KCNAB2: variants seen among roughly 807,000 people sequenced by gnomAD.
The protein encoded by KCNAB2 is potassium voltage-gated channel subfamily A regulatory beta subunit 2.
In KCNAB2, 29 loss-of-function variants were observed where a neutral mutation model predicts 63.6. The observed-to-expected ratio is 0.46, with a 90% confidence interval of 0.34 to 0.62. KCNAB2 has a LOEUF of 0.62. Ranked by LOEUF, KCNAB2 falls within the 20% of genes least tolerant of loss-of-function variation. The pLI is 0.01. For missense variants in KCNAB2, 359 were observed against 563.9 expected (o/e 0.64, Z 3.68); for synonymous variants, 222 against 224.2 (o/e 0.99, Z 0.09).
intron 1 of KCNAB2, among the ~76,000 whole-genome samples, chr1:6,009,724 T>C (rs1370296860): frequency 1.3e-5 from 2 of 152,206 alleles, no homozygotes; most frequent in African/African-American, 4.8e-5. Flanking sequence ...TGGGGCCCTG[T>C]GAGGCCCTGC....
In KCNAB2 at chr1:6,071,866, C is replaced by T. The variant is rs976364788; in HGVS notation, c.219-889C>T. Among the ~76,000 whole-genome samples, 1 of 150,694 alleles carries T rather than the reference C, an allele frequency of 6.6e-6. No individual in the cohort carries two copies. The highest frequency in any genetic ancestry group is 1.5e-5 in the Non-Finnish European group (1 of 67,508). On this transcript the variant is annotated intron_variant, in intron 2 of 15. Coordinates refer to ENST00000378083, the MANE Select transcript of KCNAB2 (RefSeq NM_001199862.2). This position sits in a 1 kb window ranked among gnomAD's most constrained non-coding sequence, Gnocchi z 8.5. ...CCTGCCGCGAGGGCACCTCCTGCCG[C>T]GTGGGCTCCTCCTGCCGCGTAGGGC...
Position 6,051,607 on chromosome 1 carries a change from A to T in KCNAB2, c.71A>T (p.His24Leu), listed in dbSNP as rs1570962176. 6.5e-7 allele frequency: 1 copy of T among 1,534,648 alleles called. No homozygotes were observed. The highest frequency in any genetic ancestry group is 1.4e-5 in the African/African-American group (1 of 73,010). The change falls in exon 2 of 16, where the codon CAC (histidine) becomes CTC (leucine). Residue 24 changes from histidine to leucine, a missense_variant. Transcript: ENST00000378083. ...SSRCHSEWALHPVRQTDTLEL... is the reference protein window; with the variant it reads ...SSRCHSEWALLPVRQTDTLEL... ...AGGTGCCACTCTGAATGGGCCCTGC[A>T]CCCCGTCCGCCAGACGGACACGCTG...
chr1:6,012,873 G>C (rs986968632), intron 1 of KCNAB2, among the ~76,000 whole-genome samples: 1 of 152,016 alleles, frequency 6.6e-6, no homozygotes, highest in Non-Finnish European at 1.5e-5. Context: ...ACCCATGCAC[G>C]CATGCCCATG....
intron 5 of KCNAB2, among the ~76,000 whole-genome samples, chr1:6,083,139 C>T (rs1007160869): frequency 3.3e-5 from 5 of 152,164 alleles, no homozygotes; most frequent in Admixed American, 6.5e-5. Flanking sequence ...TTTGGCCCTC[C>T]GGATGGCACA....
intron 1 of KCNAB2, among the ~76,000 whole-genome samples, chr1:6,017,114 A>G (rs1002458827): frequency 1.3e-5 from 2 of 152,090 alleles, no homozygotes; most frequent in Non-Finnish European, 2.9e-5. Context: ...GACAGAGGAA[A>G]AGTCCTAGAC....
rs147919280 is a variant in KCNAB2 at position 6,068,257 on chromosome 1, G to A, written c.219-4498G>A. Reference sequence around the variant, plus strand: ...CTCTCAGAGGGTGAATGCTCACCACGCCCATGTGTGTGCTTATGTGTGCAT... The same window carrying A: ...CTCTCAGAGGGTGAATGCTCACCACACCCATGTGTGTGCTTATGTGTGCAT... On this transcript the variant is annotated intron_variant, in intron 2 of 15. Coordinates refer to ENST00000378083, the MANE Select transcript of KCNAB2 (RefSeq NM_001199862.2). Among the ~76,000 whole-genome samples, 11 of 152,336 alleles carry A rather than the reference G, an allele frequency of 7.2e-5. No homozygotes were observed. In the East Asian group the frequency reaches 1.4e-3, roughly 19 times the overall value.
At chr1:6,088,571 TG>T (rs1188226936) in intron 7 of KCNAB2, among the ~76,000 whole-genome samples, 1 of 151,792 alleles carries the variant, frequency 6.6e-6, no homozygotes, top group African/African-American at 2.4e-5. Flanking sequence ...TTTTAAGATA[TG>T]GGGTCTCACT....
chr1:6,084,571 T>A (rs1040125132), intron 5 of KCNAB2, among the ~76,000 whole-genome samples: 1 of 152,182 alleles, frequency 6.6e-6, no homozygotes, highest in Non-Finnish European at 1.5e-5. Flanking sequence ...ATCCCAGCAC[T>A]TTGGGAGGCC....
In KCNAB2 at chr1:6,097,318, C is replaced by A; in HGVS notation, c.1119C>A (p.Ser373=). Residue 373 remains serine, a synonymous_variant, in exon 15 of 16, where the codon TCC becomes TCA. Coordinates refer to ENST00000378083, the MANE Select transcript of KCNAB2 (RefSeq NM_001199862.2). The part of the protein sequence containing the change: ...EGVSSVLLGA[S]NADQLMENIG... ...TCAGCTCCGTGCTCCTGGGGGCCTC[C>A]AATGCGGACCAGCTCATGGAGAACA... 6.4e-7 allele frequency: 1 copy of A among 1,552,786 alleles called. No homozygotes were observed. The highest frequency in any genetic ancestry group is 2.4e-5 in the East Asian group (1 of 41,440).
chr1:6,057,868 T>C (rs541703340), intron 2 of KCNAB2, among the ~76,000 whole-genome samples: 1 of 152,200 alleles, frequency 6.6e-6, no homozygotes, highest in East Asian at 1.9e-4. Context: ...ACACCAGTCA[T>C]GGCCAGGCAC....
rs2100746209 is a variant in KCNAB2 at position 6,087,410 on chromosome 1, G to A, written c.426-57G>A. ...GAGAGATGAGGACGTCGGGGATGAA[G>A]GAGGACCCCCCAGGGGCCGGGCTTA... On this transcript the variant is annotated intron_variant, in intron 6 of 15. Transcript: ENST00000378083. This position sits in a 1 kb window ranked among gnomAD's most constrained non-coding sequence, Gnocchi z 6.4. 6.3e-7 allele frequency: 1 copy of A among 1,583,042 alleles called. No homozygotes were observed. Among genetic ancestry groups the A allele is most frequent in the Non-Finnish European group, 8.7e-7 (1 of 1,151,954 alleles).
intron 2 of KCNAB2, among the ~76,000 whole-genome samples, chr1:6,070,554 G>A (rs2100645238): frequency 1.3e-5 from 2 of 152,304 alleles, no homozygotes; most frequent in Middle Eastern, 6.8e-3. Context: ...GGAAACTTCA[G>A]TTCCTTTTTA....
chr1:6,073,817 C>T lies in KCNAB2; in HGVS notation c.300+47C>T. 1 of 1,593,220 alleles carries T rather than the reference C, an allele frequency of 6.3e-7. No homozygotes were observed. Among genetic ancestry groups the T allele is most frequent in the Non-Finnish European group, 8.6e-7 (1 of 1,161,356 alleles). ...ACCCCAGAACCCAGCACGGGCTCGC[C>T]AGAGCACATGGTTAAGTCTGCCGCG... On this transcript the variant is annotated intron_variant, in intron 4 of 15. Transcript: ENST00000378083. The surrounding 1 kb of genome is among the most constrained non-coding windows in gnomAD (Gnocchi z 5.7).
rs564251151 is a variant in KCNAB2 at position 6,073,673 on chromosome 1, C to G, written c.263-60C>G. 9.0e-6 allele frequency: 14 copies of G among 1,556,734 alleles called. No homozygotes were observed. In the African/African-American group the frequency reaches 1.5e-4, roughly 17 times the overall value. ...GCCCTACAGCCTGAGGTCTGAGCAC[C>G]GACGGGATAATCTGGCTTCCTGCCA... On this transcript the variant is annotated intron_variant, in intron 3 of 15. Coordinates refer to ENST00000378083, the MANE Select transcript of KCNAB2 (RefSeq NM_001199862.2). The surrounding 1 kb of genome is among the most constrained non-coding windows in gnomAD (Gnocchi z 5.7).
chr1:5,996,298 G>A (rs993150708), intron 1 of KCNAB2, among the ~76,000 whole-genome samples: 5 of 152,158 alleles, frequency 3.3e-5, no homozygotes, highest in Non-Finnish European at 5.9e-5. Context: ...AGCAGATGCT[G>A]GGCCCTCTTG....
At chr1:6,020,480 A>G (rs759147357) in intron 1 of KCNAB2, among the ~76,000 whole-genome samples, 3 of 152,066 alleles carry the variant, frequency 2.0e-5, no homozygotes, top group Non-Finnish European at 2.9e-5. Context: ...CTCTTCCATG[A>G]CAAGAACACA....
At chr1:6,011,316 G>C (rs1329096604) in intron 1 of KCNAB2, among the ~76,000 whole-genome samples, 2 of 151,530 alleles carry the variant, frequency 1.3e-5, no homozygotes, top group African/African-American at 4.9e-5. Context: ...GCTGTGCCCA[G>C]GGCCAAGTGT....
upstream of KCNAB2, among the ~76,000 whole-genome samples, chr1:6,030,447 A>ATG (rs1659504987): frequency 7.0e-6 from 1 of 143,428 alleles, no homozygotes; most frequent in African/African-American, 2.5e-5. Flanking sequence ...CACCCCTCCA[A>ATG]CGTGTGTGTG....
intron 1 of KCNAB2, among the ~76,000 whole-genome samples, chr1:6,021,350 A>G (rs1658806503): frequency 6.6e-6 from 1 of 152,212 alleles, no homozygotes; most frequent in Non-Finnish European, 1.5e-5. Flanking sequence ...ACATACACCC[A>G]AATGTGGAGC....
Sources: allele counts gnomAD v4.1 joint callset (sites outside exome capture counted in the v4.1 genomes callset), GRCh38; gene constraint gnomAD v4.1.1; non-coding constraint Gnocchi (gnomAD v3.1); transcripts MANE v1.5; gene names NCBI Gene and HGNC (gene_info 2026-07-23, HGNC 2026-07-21).